The following CREBRF variants were observed in gnomAD, a reference collection of about 807,000 sequenced individuals.
The protein encoded by CREBRF is UPF0474 protein C5orf41.
Under a neutral mutation model 66.1 loss-of-function variants are expected in CREBRF, and 5 were observed. The ratio of observed to expected loss-of-function variants is 0.08; its 90% confidence interval spans 0.04 to 0.16. The LOEUF (loss-of-function observed/expected upper bound fraction) is 0.16, where lower values mean the gene tolerates loss of function less well. CREBRF is among the 10% of genes least tolerant of loss of function. CREBRF has a pLI of 1.00. For missense variants in CREBRF, 531 were observed against 744.9 expected (o/e 0.71, Z 3.34); for synonymous variants, 229 against 264.4 (o/e 0.87, Z 1.30).
chr5:173,084,983 C>T (rs563243440), intron 2 of CREBRF, among the ~76,000 whole-genome samples: 19 of 151,914 alleles, frequency 1.3e-4, no homozygotes, highest in Non-Finnish European at 2.4e-4. Context: ...GCTCTTGTTG[C>T]CCAGACTGGA....
At chr5:173,086,261 G>T (rs1253639144) in intron 2 of CREBRF, 2 of 701,492 alleles carry the variant, frequency 2.9e-6, no homozygotes, top group Non-Finnish European at 5.2e-6. Context: ...GTTGACCTCA[G>T]CTTCTCCACT....
chr5:173,083,225 TAAATA>T lies in CREBRF; in HGVS notation c.9+2445_9+2449del, dbSNP rs1228003500. Among the ~76,000 whole-genome samples the T allele has an allele frequency of 2.6e-5, 4 of 152,162 alleles. No homozygotes were observed. The East Asian group carries it at 7.7e-4, about 29-fold the overall frequency. On this transcript the variant is annotated intron_variant, in intron 2 of 8. Transcript: ENST00000296953. ...CTCTGTCTCTCCAAAAAAAAATAAA[TAAATA>T]AAAGAAATTTTTTATTCTTTCTCAT...
At position 173,137,958 on chromosome 5, in the gene CREBRF, C is replaced by T. The variant is rs919122800; in HGVS notation, c.*4213C>T. On this transcript the variant is annotated 3_prime_UTR_variant, in exon 9 of 9. Transcript: ENST00000296953. Reference sequence around the variant, plus strand: ...ATTATGTAACAGAATGTTAGCATCTCTCCATATCTTGAAACTTGAATTTTG... The same window carrying T: ...ATTATGTAACAGAATGTTAGCATCTTTCCATATCTTGAAACTTGAATTTTG... 2.6e-5 allele frequency: 4 copies of T among 152,150 alleles called. No homozygotes were observed. The highest frequency in any genetic ancestry group is 7.2e-5 in the African/African-American group (3 of 41,454). The allele number at this position is 152,150 out of a possible 1,614,324, so 9.4% of individuals were successfully genotyped here. A position where few individuals can be genotyped will look rare whatever the true frequency, so the allele number is the denominator to read the frequency against.
At chr5:173,119,810 G>A (rs914438718) in intron 7 of CREBRF, among the ~76,000 whole-genome samples, 10 of 152,098 alleles carry the variant, frequency 6.6e-5, no homozygotes, top group African/African-American at 2.4e-4. Context: ...TGTTTATTAT[G>A]AATGGGTGTT....
chr5:173,089,632 G>A (rs910578757), intron 3 of CREBRF, among the ~76,000 whole-genome samples: 1 of 149,546 alleles, frequency 6.7e-6, no homozygotes, highest in African/African-American at 2.5e-5. Flanking sequence ...GACCAGCCTG[G>A]TCAACATGGT....
chr5:173,125,119 C>T (rs1474986413), intron 8 of CREBRF, among the ~76,000 whole-genome samples: 1 of 151,992 alleles, frequency 6.6e-6, no homozygotes, highest in Non-Finnish European at 1.5e-5. Flanking sequence ...GGGGTTTCAC[C>T]ATGTTGGCCA....
rs943896831 is a variant in CREBRF at position 173,091,387 on chromosome 5, C to T, written c.1208C>T (p.Thr403Ile). 6.2e-7 allele frequency: 1 copy of T among 1,613,826 alleles called. No individual in the cohort carries two copies. Among genetic ancestry groups the T allele is most frequent in the Non-Finnish European group, 8.5e-7 (1 of 1,179,902 alleles). The change falls in exon 4 of 9, where the codon ACT becomes ATT. Residue 403 changes from threonine (T) to isoleucine (I), a missense_variant. Thr to Ile is a moderately conservative substitution (Grantham distance 89). Transcript: ENST00000296953. ...EDDKDDDISD[T>I]FSEPGYENDS... Reference sequence around the variant, plus strand: ...GACAAGGATGATGATATTAGTGATACTTTCTCTGAACCAGGTATTATAATG... The same window carrying T: ...GACAAGGATGATGATATTAGTGATATTTTCTCTGAACCAGGTATTATAATG...
chr5:173,130,453 A>G (rs1385990909), intron 8 of CREBRF, among the ~76,000 whole-genome samples: 1 of 152,116 alleles, frequency 6.6e-6, no homozygotes, highest in Admixed American at 6.5e-5. Context: ...AAAAGGAGAA[A>G]GAATTGTACG....
chr5:173,088,311 A>G (rs1196778267), intron 3 of CREBRF, among the ~76,000 whole-genome samples: 1 of 103,056 alleles, frequency 9.7e-6, no homozygotes, highest in Admixed American at 1.6e-4. Flanking sequence ...CCTGTTGCCC[A>G]GGCTGGAGTG....
In CREBRF at chr5:173,134,076, A is replaced by G. The variant is rs1269031167; in HGVS notation, c.*331A>G. The G allele has an allele frequency of 6.1e-6, 1 of 163,380 alleles. No individual in the cohort carries two copies. Among genetic ancestry groups the G allele is most frequent in the Non-Finnish European group, 1.3e-5 (1 of 75,304 alleles). 10.1% of individuals were successfully genotyped at this position (163,380 alleles called of 1,614,324 possible). A position where few individuals can be genotyped will look rare whatever the true frequency, so the allele number is the denominator to read the frequency against. Reference sequence around the variant, plus strand: ...AAATGCCAAGTATTGTGGCAGATTTATGCTCTGAACCACACAAAAAAATTG... The same window carrying G: ...AAATGCCAAGTATTGTGGCAGATTTGTGCTCTGAACCACACAAAAAAATTG... On this transcript the variant is annotated 3_prime_UTR_variant, in exon 9 of 9. Transcript: ENST00000296953.
chr5:173,134,174 C>T lies in CREBRF; in HGVS notation c.*429C>T. On this transcript the variant is annotated 3_prime_UTR_variant, in exon 9 of 9. Transcript: ENST00000296953. Reference sequence around the variant, plus strand: ...TGCTTTTTGTTCTAATTTTCCACAACCATTAATCTCACTTGTATATGGCAC... The same window carrying T: ...TGCTTTTTGTTCTAATTTTCCACAATCATTAATCTCACTTGTATATGGCAC... 1 of 152,242 alleles carries T rather than the reference C, an allele frequency of 6.6e-6. No individual in the cohort carries two copies. The highest frequency in any genetic ancestry group is 1.5e-5 in the Non-Finnish European group (1 of 68,688). The allele number at this position is 152,242 out of a possible 1,614,324, so 9.4% of individuals were successfully genotyped here. A position where few individuals can be genotyped will look rare whatever the true frequency, so the allele number is the denominator to read the frequency against.
chr5:173,093,311 C>T (rs1758395494), intron 4 of CREBRF, among the ~76,000 whole-genome samples: 2 of 152,142 alleles, frequency 1.3e-5, no homozygotes, highest in African/African-American at 4.8e-5. Context: ...TTTTGCTTTT[C>T]TTTGACTTTT....
In CREBRF at chr5:173,090,025, GGTA is replaced by G. The variant is rs1159332537; in HGVS notation, c.136-289_136-287del. 6.6e-6 allele frequency among the ~76,000 whole-genome samples: 1 copy of G among 151,922 alleles called. No homozygotes were observed. The highest frequency in any genetic ancestry group is 2.4e-5 in the African/African-American group (1 of 41,358). On this transcript the variant is annotated intron_variant, in intron 3 of 8. Coordinates refer to ENST00000296953, the MANE Select transcript of CREBRF (RefSeq NM_153607.3). The surrounding 1 kb of genome is among the most constrained non-coding windows in gnomAD (Gnocchi z 4.5). ...AACTTTTTTCAGGCAGAATGTTTAT[GGTA>G]AACTCAAGAGCCCTTGATATTTGGA...
At chr5:173,065,504 T>A (rs1183341532) in intron 1 of CREBRF, among the ~76,000 whole-genome samples, 2 of 152,170 alleles carry the variant, frequency 1.3e-5, no homozygotes, top group Non-Finnish European at 2.9e-5. Context: ...AGTGTTCCAT[T>A]TTTCTTTTAG....
At chr5:173,098,189 CTTTT>C (rs1272404813) in intron 4 of CREBRF, among the ~76,000 whole-genome samples, 2 of 140,020 alleles carry the variant, frequency 1.4e-5, no homozygotes, top group Admixed American at 7.2e-5. Context: ...AATTTTCCTT[CTTTT>C]TTTTTTTTTT....
chr5:173,097,690 A>T (rs529058825), intron 4 of CREBRF, among the ~76,000 whole-genome samples: 1 of 152,132 alleles, frequency 6.6e-6, no homozygotes, highest in Non-Finnish European at 1.5e-5. Flanking sequence ...ATAATTGTTT[A>T]TAGTAGTCCT....
intron 1 of CREBRF, among the ~76,000 whole-genome samples, chr5:173,072,466 C>G (rs1757626560): frequency 6.6e-6 from 1 of 152,074 alleles, no homozygotes; most frequent in East Asian, 1.9e-4. Flanking sequence ...TTAGTAGAGA[C>G]GAGGTTTCAC....
chr5:173,089,056 G>T (rs1001062890), intron 3 of CREBRF, among the ~76,000 whole-genome samples: 1 of 151,708 alleles, frequency 6.6e-6, no homozygotes, highest in Non-Finnish European at 1.5e-5. Flanking sequence ...GCACGTGCCT[G>T]TAATCTCAGC....
intron 1 of CREBRF, among the ~76,000 whole-genome samples, chr5:173,072,466 C>T (rs1757626560): frequency 1.3e-5 from 2 of 152,074 alleles, no homozygotes; most frequent in South Asian, 2.1e-4. Flanking sequence ...TTAGTAGAGA[C>T]GAGGTTTCAC....
Sources: gnomAD v4.1 joint callset for allele counts (sites outside exome capture counted in the v4.1 genomes callset) on GRCh38, gnomAD v4.1.1 for gene constraint, Gnocchi (gnomAD v3.1) non-coding constraint, MANE v1.5 for transcripts, NCBI Gene and HGNC (gene_info 2026-07-23, HGNC 2026-07-21) for gene names.